PUM3: variants seen among roughly 807,000 people sequenced by gnomAD.
PUM3 encodes pumilio homolog 3.
Under a neutral mutation model 84.0 loss-of-function variants are expected in PUM3, and 91 were observed. That is an observed-to-expected ratio of 1.08 (90% confidence interval 0.91 to 1.29). The LOEUF is 1.29. PUM3 is among the 50% of genes most tolerant of loss of function. The pLI, the probability that PUM3 is intolerant of heterozygous loss-of-function variation, is 0.00. For missense variants in PUM3, 1,067 were observed against 767.5 expected (o/e 1.39, Z -4.61); for synonymous variants, 321 against 266.7 (o/e 1.20, Z -1.98).
chr9:2,807,278 T>C (rs770758354), intron 17 of PUM3, among the ~76,000 whole-genome samples: 10 of 151,642 alleles, frequency 6.6e-5, no homozygotes, highest in Non-Finnish European at 1.2e-4. Context: ...GTGAATGTTA[T>C]AATTTGTCAA....
chr9:2,817,588 T>C (rs920453828), intron 13 of PUM3, among the ~76,000 whole-genome samples: 2 of 152,018 alleles, frequency 1.3e-5, no homozygotes, highest in African/African-American at 4.8e-5. Flanking sequence ...ACATGTAAAA[T>C]AAAATTAGAT....
At chr9:2,821,322 T>C (rs915538137) in intron 12 of PUM3, among the ~76,000 whole-genome samples, 5 of 151,408 alleles carry the variant, frequency 3.3e-5, no homozygotes, top group African/African-American at 1.2e-4. Flanking sequence ...TGGGCGCCTG[T>C]AGTCCCAGCT....
chr9:2,843,601 C>G (rs868639720), intron 1 of PUM3, among the ~76,000 whole-genome samples: 2 of 118,994 alleles, frequency 1.7e-5, no homozygotes, highest in African/African-American at 3.3e-5. Flanking sequence ...TTTTTTGAGA[C>G]GGAGTCTTGC....
At chr9:2,831,111 A>G (rs1469214809) in intron 6 of PUM3, 83 bp from the exon 7 acceptor site, 4 of 982,550 alleles carry the variant, frequency 4.1e-6, no homozygotes, top group Non-Finnish European at 6.2e-6. Context: ...GTCCCAGGCA[A>G]GGAAAAAATA....
chr9:2,820,232 T>A (rs950054936), intron 12 of PUM3, 134 bp from the exon 13 acceptor site: 2 of 518,942 alleles, frequency 3.9e-6, no homozygotes, highest in African/African-American at 1.9e-5. Flanking sequence ...ATTACCTACA[T>A]TGACAACTTG....
chr9:2,831,544 G>A (rs929721022), intron 5 of PUM3, among the ~76,000 whole-genome samples, 200 bp from the exon 6 acceptor site: 1 of 152,058 alleles, frequency 6.6e-6, no homozygotes, highest in African/African-American at 2.4e-5. Context: ...ATATTTGATA[G>A]GTACAATAAT....
At chr9:2,817,868 C>A (rs80297541) in intron 13 of PUM3, among the ~76,000 whole-genome samples, 1,527 of 152,162 alleles carry the variant, frequency 0.01, 28 homozygotes, top group African/African-American at 0.036. Context: ...TATTCACCCT[C>A]AAACAGCAAT....
chr9:2,835,024 A>G (rs572397422), intron 3 of PUM3, among the ~76,000 whole-genome samples: 1 of 151,696 alleles, frequency 6.6e-6, no homozygotes, highest in Non-Finnish European at 1.5e-5. Flanking sequence ...AAAAAAAAAA[A>G]AAAAGAAAAG....
rs756299455 is a variant in PUM3, at chr9:2,834,141, C to A, written c.330G>T (p.Trp110Cys). The change falls in exon 4 of 18, where the codon TGG (tryptophan) becomes TGT (cysteine). Residue 110 changes from tryptophan (W) to cysteine (C), a missense_variant. Trp to Cys is a radical substitution (Grantham distance 215). Transcript: ENST00000397885. Reference sequence around the variant, plus strand: ...CTTTCTTCTTCTTTTTGAAGTCATCCCATTTGGGCTTCTTGGCTGCTGATT... The same window carrying A: ...CTTTCTTCTTCTTTTTGAAGTCATCACATTTGGGCTTCTTGGCTGCTGATT... Reference protein sequence around the residue: ...SDESAAKKPKWDDFKKKKKEL... With the variant: ...SDESAAKKPKCDDFKKKKKEL... 1.2e-6 allele frequency: 2 copies of A among 1,612,612 alleles called. No individual in the cohort carries two copies. Among genetic ancestry groups the A allele is most frequent in the Non-Finnish European group, 8.5e-7 (1 of 1,179,354 alleles).
chr9:2,822,280 C>T (rs563881029), intron 12 of PUM3, among the ~76,000 whole-genome samples: 2 of 152,148 alleles, frequency 1.3e-5, no homozygotes, highest in African/African-American at 4.8e-5. Context: ...ATATAGAATA[C>T]CCCACCAAAC....
intron 16 of PUM3, 24 bp downstream of exon 16, chr9:2,810,320 A>T (rs1462548258): frequency 6.8e-7 from 1 of 1,480,012 alleles, no homozygotes; most frequent in Non-Finnish European, 9.4e-7. Flanking sequence ...GAGATACAAG[A>T]AAAGGTCAAA....
Position 2,828,763 on chromosome 9 carries a change from T to A in PUM3, c.868A>T (p.Thr290Ser). 1 of 1,590,134 alleles carries A rather than the reference T, an allele frequency of 6.3e-7. No individual in the cohort carries two copies. The change falls in exon 9 of 18, where the codon ACT (threonine) becomes TCT (serine). Residue 290 changes from threonine (T) to serine (S), a missense_variant. By Grantham distance (58) the Thr-to-Ser change is moderately conservative. Transcript: ENST00000397885. Reference sequence around the variant, plus strand: ...TGTACCTCTAACACTTTGTCCAGAGTTCGGTGATCTGCTGACTGCAACAAA... The same window carrying A: ...TGTACCTCTAACACTTTGTCCAGAGATCGGTGATCTGCTGACTGCAACAAA... ...FQLYKSADHR[T>S]LDKVLEVQPE...
chr9:2,810,449 C>G lies in PUM3; in HGVS notation c.1636-18G>C. On this transcript the variant is annotated intron_variant, in intron 15 of 17. Transcript: ENST00000397885. ...ATGTGAAGCTATGAAGGGTCAAGAA[C>G]AGTTAATTTTAAAAGTTGTTTTCAT... is the stretch of plus-strand genomic sequence containing the variant. 6.5e-7 allele frequency: 1 copy of G among 1,547,526 alleles called. No individual in the cohort carries two copies. The highest frequency in any genetic ancestry group is 8.8e-7 in the Non-Finnish European group (1 of 1,135,304).
intron 17 of PUM3, among the ~76,000 whole-genome samples, chr9:2,804,944 C>T (rs1821230685): frequency 6.6e-6 from 1 of 152,164 alleles, no homozygotes. Context: ...TCAGAGTTAG[C>T]AGGTCTTCTC....
chr9:2,823,630 A>G (rs1245239151), intron 12 of PUM3, 151 bp downstream of exon 12: 3 of 441,194 alleles, frequency 6.8e-6, no homozygotes, highest in Non-Finnish European at 1.2e-5. Flanking sequence ...TGTAGATAAA[A>G]TATGAAAATA....
At chr9:2,825,639 C>A (rs922298274) in intron 10 of PUM3, among the ~76,000 whole-genome samples, 4 of 152,006 alleles carry the variant, frequency 2.6e-5, no homozygotes, top group Non-Finnish European at 5.9e-5. Flanking sequence ...CCCGCCACCA[C>A]CCCCGGCTAA....
Position 2,808,580 on chromosome 9 carries a change from ACAT to A in PUM3, c.1724-679_1724-677del, listed in dbSNP as rs562475115. On this transcript the variant is annotated intron_variant, in intron 16 of 17. Transcript: ENST00000397885. ...TAGGGACAACCTATCTTGAAGGCAA[ACAT>A]CATAGTCAGGTAGCATGTACTATAT... Among the ~76,000 whole-genome samples, 49 of 152,314 alleles carry A rather than the reference ACAT, an allele frequency of 3.2e-4. No homozygotes were observed. The East Asian group carries it at 9.1e-3, about 28-fold the overall frequency.
At chr9:2,837,555 T>C (rs1816161225) in intron 2 of PUM3, among the ~76,000 whole-genome samples, 154 bp from the exon 3 acceptor site, 1 of 152,188 alleles carries the variant, frequency 6.6e-6, no homozygotes, top group Non-Finnish European at 1.5e-5. Flanking sequence ...TAGAACTGGA[T>C]TTAAACAATC....
chr9:2,828,065 G>C (rs1815871614), intron 9 of PUM3, among the ~76,000 whole-genome samples: 1 of 151,982 alleles, frequency 6.6e-6, no homozygotes, highest in African/African-American at 2.4e-5. Flanking sequence ...TTTAAAGCAA[G>C]GTCTCACTCT....
Sources: allele counts gnomAD v4.1 joint callset (sites outside exome capture counted in the v4.1 genomes callset), GRCh38; gene constraint gnomAD v4.1.1; transcripts MANE v1.5; gene names NCBI Gene and HGNC (gene_info 2026-07-23, HGNC 2026-07-21).